The following FBXL18 variants were observed in gnomAD, a reference collection of about 807,000 sequenced individuals.
The protein encoded by FBXL18 is F-box/LRR-repeat protein 18.
Under a neutral mutation model 46.0 loss-of-function variants are expected in FBXL18, and 36 were observed. The ratio of observed to expected loss-of-function variants is 0.78; its 90% CI spans 0.60 to 1.03. The LOEUF (loss-of-function observed/expected upper bound fraction) is 1.03. FBXL18 is among the 50% of genes least tolerant of loss of function. FBXL18 has a pLI of 0.00. For missense variants in FBXL18, 977 were observed against 1,004.1 expected (o/e 0.97, Z 0.36); for synonymous variants, 557 against 465.3 (o/e 1.20, Z -2.54).
At chr7:5,482,955 T>G (rs1167630974) in intron 4 of FBXL18, among the ~76,000 whole-genome samples, 2 of 151,176 alleles carry the variant, frequency 1.3e-5, no homozygotes, top group Non-Finnish European at 2.9e-5. Flanking sequence ...GGAGGACCAC[T>G]TGAGCCCAGG....
At chr7:5,475,039 C>T (rs1783487692), downstream of FBXL18, among the ~76,000 whole-genome samples, 1 of 148,094 alleles carries the variant, frequency 6.8e-6, no homozygotes, top group Admixed American at 6.7e-5. The surrounding 1 kb of genome is among the most constrained non-coding windows in gnomAD (Gnocchi z 4.2). Flanking sequence ...TTAAGATGGT[C>T]CAGGCCTGGT....
At chr7:5,492,333 C>G (rs1783949511) in intron 3 of FBXL18, among the ~76,000 whole-genome samples, 2 of 151,646 alleles carry the variant, frequency 1.3e-5, no homozygotes, top group African/African-American at 4.9e-5. Flanking sequence ...CTTGGAGAAC[C>G]AGGCTGTGGG....
chr7:5,467,512 C>G (rs1276811417), intron 4 of FBXL18, among the ~76,000 whole-genome samples: 1 of 151,576 alleles, frequency 6.6e-6, no homozygotes, highest in Non-Finnish European at 1.5e-5. Flanking sequence ...CACCACCGCA[C>G]CCCAGCCTGG....
At chr7:5,507,079 G>A (rs1220709325) in intron 1 of FBXL18, among the ~76,000 whole-genome samples, 1 of 152,150 alleles carries the variant, frequency 6.6e-6, no homozygotes, top group Non-Finnish European at 1.5e-5. Context: ...CCACGCCGAG[G>A]AGAGAGTGCC....
chr7:5,468,645 C>T (rs1783382001), intron 4 of FBXL18, among the ~76,000 whole-genome samples: 2 of 152,134 alleles, frequency 1.3e-5, no homozygotes, highest in Non-Finnish European at 2.9e-5. Flanking sequence ...CTCTGTTGCC[C>T]AGGCTGGAGT....
Position 5,481,948 on chromosome 7 carries a change from C to G in FBXL18, c.2001-17G>C, listed in dbSNP as rs201841539. On this transcript the variant is annotated splice_polypyrimidine_tract_variant and intron_variant, in intron 4 of 4. Coordinates refer to ENST00000382368, the MANE Select transcript of FBXL18 (RefSeq NM_024963.6). ...GCCTGGAAGCTGAACCAGAGACAGG[C>G]GGTCAGCGGATTACATGGGTGGCCA... 513 of 1,587,826 alleles carry G rather than the reference C, an allele frequency of 3.2e-4. 2 individuals carry two copies. The East Asian group carries it at 0.011, about 33-fold the overall frequency.
chr7:5,489,561 G>C (rs552041069), intron 4 of FBXL18: 3 of 295,664 alleles, frequency 1.0e-5, no homozygotes, highest in Non-Finnish European at 2.0e-5. Flanking sequence ...ATGAGGTCAG[G>C]AGATCGAGAC....
At chr7:5,507,354 G>A (rs1326574518) in intron 1 of FBXL18, among the ~76,000 whole-genome samples, 2 of 152,042 alleles carry the variant, frequency 1.3e-5, no homozygotes, top group Admixed American at 6.6e-5. Context: ...CTAAGCCCTC[G>A]CCAGGCCCTA....
At position 5,513,567 on chromosome 7, in the gene FBXL18, G is replaced by C. The variant is rs970582384; in HGVS notation, c.18+90C>G. The C allele has an allele frequency of 2.7e-5, 39 of 1,455,208 alleles. No homozygotes were observed. The South Asian group carries it at 3.9e-4, about 15-fold the overall frequency. The allele number at this position is 1,455,208 out of a possible 1,614,324, so 90.1% of individuals were successfully genotyped here. On this transcript the variant is annotated intron_variant, in intron 1 of 4. Transcript: ENST00000382368. ...GCGGGGTAGGGGTCGGGATAGAAAG[G>C]ATGCAAGGGAACCCGGGTCGGGATG... is the stretch of plus-strand genomic sequence containing the variant.
At chr7:5,482,390 C>A (rs1783670931) in intron 4 of FBXL18, among the ~76,000 whole-genome samples, 2 of 152,198 alleles carry the variant, frequency 1.3e-5, no homozygotes, top group Admixed American at 1.3e-4. Context: ...GGGGGTGCGA[C>A]TGCCAAGTCA....
rs199543674 is a variant in FBXL18 at position 5,491,335 on chromosome 7, G to A, written c.1896C>T (p.Ala632=). ...GGCAGCGAGCCATGAAGGCCAGCAC[G>A]GCATCGGGCTGGAGGGTGCCGCTGC... ...VSRSGTLQPD[A]VLAFMARCLQ... The change falls in exon 4 of 5, where the codon GCC becomes GCT. Residue 632 remains alanine (A), a synonymous_variant. Coordinates refer to ENST00000382368, the MANE Select transcript of FBXL18 (RefSeq NM_024963.6). The A allele has an allele frequency of 4.1e-4, 665 of 1,611,956 alleles. 2 individuals carry two copies. The highest frequency in any genetic ancestry group is 3.3e-4 in the Middle Eastern group (2 of 6,062).
intron 4 of FBXL18, among the ~76,000 whole-genome samples, chr7:5,463,728 A>ATTTTAT (rs1783295662): frequency 1.9e-5 from 1 of 53,034 alleles, no homozygotes; most frequent in African/African-American, 8.0e-5. Flanking sequence ...TTATTTATTT[A>ATTTTAT]TTTTTTTTTT....
intron 2 of FBXL18, among the ~76,000 whole-genome samples, chr7:5,505,129 A>G (rs1310676255): frequency 2.0e-5 from 3 of 151,654 alleles, no homozygotes; most frequent in African/African-American, 7.3e-5. Flanking sequence ...GCGATCCACA[A>G]GAAAGCACAT....
intron 3 of FBXL18, among the ~76,000 whole-genome samples, chr7:5,495,283 C>G (rs1784047266): frequency 6.6e-6 from 1 of 152,180 alleles, no homozygotes; most frequent in South Asian, 2.1e-4. Context: ...GCCGTGAGAG[C>G]AGCACCCAGG....
chr7:5,492,309 A>G lies in FBXL18; in HGVS notation c.1782-860T>C, dbSNP rs550882465. Among the ~76,000 whole-genome samples the G allele has an allele frequency of 1.3e-4, 19 of 151,722 alleles. No homozygotes were observed. The South Asian group carries it at 1.9e-3, about 15-fold the overall frequency. On this transcript the variant is annotated intron_variant, in intron 3 of 4. Transcript: ENST00000382368. ...GTGGGGATGTGGCGCTGCTGAGGAC[A>G]GGCCCGGGGGGCCCTTGGAGAACCA... is the stretch of plus-strand genomic sequence containing the variant.
In FBXL18 at chr7:5,505,523, G is replaced by A. The variant is rs367688784; in HGVS notation, c.126C>T (p.His42=). The change falls in exon 2 of 5, where the codon CAC becomes CAT. Residue 42 remains histidine, a synonymous_variant. Coordinates refer to ENST00000382368, the MANE Select transcript of FBXL18 (RefSeq NM_024963.6). ...TCAGAATCAGATCTGTGCTGGGGAC[G>A]TGACTCAGGATGTGAAGGAGGATCT... is the stretch of plus-strand genomic sequence containing the variant. ...SDEILLHILS[H]VPSTDLILNV... 5.0e-5 allele frequency: 81 copies of A among 1,614,060 alleles called. 1 individual carries two copies. The highest frequency in any genetic ancestry group is 6.7e-5 in the Admixed American group (4 of 59,988).
chr7:5,472,887 C>T (rs943604385), downstream of FBXL18, among the ~76,000 whole-genome samples: 1 of 152,160 alleles, frequency 6.6e-6, no homozygotes, highest in African/African-American at 2.4e-5. Context: ...CAGAATGTTT[C>T]TGGCTATTGC....
At chr7:5,492,676 A>G (rs1020181918) in intron 3 of FBXL18, among the ~76,000 whole-genome samples, 13 of 152,096 alleles carry the variant, frequency 8.5e-5, no homozygotes, top group African/African-American at 2.7e-4. Context: ...TCTAAATCTA[A>G]TGACTGGTTC....
intron 3 of FBXL18, among the ~76,000 whole-genome samples, chr7:5,499,487 G>A (rs1346123905): frequency 6.6e-6 from 1 of 152,154 alleles, no homozygotes; most frequent in African/African-American, 2.4e-5. Flanking sequence ...CCAGAACTTC[G>A]GGAGGCTGAG....
Sources: gnomAD v4.1 joint callset for allele counts (sites outside exome capture counted in the v4.1 genomes callset) on GRCh38, gnomAD v4.1.1 for gene constraint, Gnocchi (gnomAD v3.1) non-coding constraint, MANE v1.5 for transcripts, NCBI Gene and HGNC (gene_info 2026-07-23, HGNC 2026-07-21) for gene names.